FAM107B: variants seen among roughly 807,000 people sequenced by gnomAD.
The protein encoded by FAM107B is family with sequence similarity 107 member B, also known as protein FAM107B.
FAM107B carries 21 observed loss-of-function variants against 31.5 expected under a neutral mutation model. That is an observed-to-expected ratio of 0.67 (90% CI 0.47 to 0.96). FAM107B has a LOEUF of 0.96. Ranked by LOEUF, FAM107B falls within the 40% of genes least tolerant of loss-of-function variation. The pLI is 0.00. For synonymous variants in FAM107B, 157 were observed against 141.5 expected (o/e 1.11, Z -0.78); for missense variants, 452 against 377.1 (o/e 1.20, Z -1.64).
rs1588443926 is a variant in FAM107B, at chr10:14,518,557, T to C, written c.*2633A>G. 6.5e-6 allele frequency: 1 copy of C among 152,708 alleles called. No individual in the cohort carries two copies. Among genetic ancestry groups the C allele is most frequent in the East Asian group, 1.9e-4 (1 of 5,204 alleles). The allele number at this position is 152,708 out of a possible 1,614,324, so 9.5% of individuals were successfully genotyped here. Reference sequence around the variant, plus strand: ...CCTTCAACAGATCAGACAAACATGGTTGCATGGTCCAAGCATGTGGTGATT... The same window carrying C: ...CCTTCAACAGATCAGACAAACATGGCTGCATGGTCCAAGCATGTGGTGATT... On this transcript the variant is annotated 3_prime_UTR_variant, in exon 5 of 5. Coordinates refer to ENST00000181796, the MANE Select transcript of FAM107B (RefSeq NM_031453.4).
chr10:14,616,702 C>T (rs972798827), intron 2 of FAM107B, among the ~76,000 whole-genome samples: 3 of 152,150 alleles, frequency 2.0e-5, no homozygotes, highest in South Asian at 2.1e-4. Context: ...GCAAGCAGAT[C>T]GCTTGAGCCC....
At chr10:14,657,103 A>G (rs1221184018) in intron 2 of FAM107B, among the ~76,000 whole-genome samples, 1 of 152,236 alleles carries the variant, frequency 6.6e-6, no homozygotes, top group Non-Finnish European at 1.5e-5. Flanking sequence ...AATACAGAGG[A>G]CTAAATCAAA....
intron 1 of FAM107B, among the ~76,000 whole-genome samples, chr10:14,745,353 T>G (rs891464516): frequency 4.6e-5 from 7 of 152,160 alleles, no homozygotes; most frequent in African/African-American, 1.7e-4. Flanking sequence ...TTTTGGGGTT[T>G]GTTTGCTCTT....
chr10:14,629,373 AAT>A (rs1201836394), intron 2 of FAM107B, among the ~76,000 whole-genome samples: 3 of 9,560 alleles, frequency 3.1e-4, no homozygotes, highest in African/African-American at 9.4e-4. Flanking sequence ...TTATATATTT[AAT>A]ATATATAATA....
intron 1 of FAM107B, among the ~76,000 whole-genome samples, chr10:14,707,077 G>T (rs1261363570): frequency 6.6e-6 from 1 of 152,054 alleles, no homozygotes; most frequent in African/African-American, 2.4e-5. Flanking sequence ...AGTGAGCCGA[G>T]ATCGTGCCAC....
chr10:14,723,005 A>G (rs372086271), intron 1 of FAM107B, among the ~76,000 whole-genome samples: 1 of 152,182 alleles, frequency 6.6e-6, no homozygotes, highest in Non-Finnish European at 1.5e-5. Flanking sequence ...AGTGTGAGGT[A>G]GGGGTCCAAT....
chr10:14,753,801 G>A (rs1441184626), intron 1 of FAM107B, among the ~76,000 whole-genome samples: 1 of 151,900 alleles, frequency 6.6e-6, no homozygotes, highest in Non-Finnish European at 1.5e-5. Flanking sequence ...AGTAACCAGA[G>A]AAAGTATTTT....
Position 14,703,178 on chromosome 10 carries a change from C to T in FAM107B, c.412-35487G>A, listed in dbSNP as rs114658913. ...TCATCACTGTGGCTCTCCCCATGTG[C>T]GTGCTAATGAATTTGCCTTTTCTCC... On this transcript the variant is annotated intron_variant, in intron 1 of 4. Coordinates refer to ENST00000181796, the MANE Select transcript of FAM107B (RefSeq NM_031453.4). 7.1e-3 allele frequency among the ~76,000 whole-genome samples: 1,074 copies of T among 152,234 alleles called. 11 individuals carry two copies. The highest frequency in any genetic ancestry group is 0.023 in the African/African-American group (973 of 41,536).
At chr10:14,601,969 C>A (rs536364209) in intron 2 of FAM107B, among the ~76,000 whole-genome samples, 9 of 152,308 alleles carry the variant, frequency 5.9e-5, no homozygotes, top group Middle Eastern at 6.8e-3. Flanking sequence ...ACATCAGGAA[C>A]AAGATTTCAC....
intron 1 of FAM107B, among the ~76,000 whole-genome samples, chr10:14,670,546 A>C (rs1312278549): frequency 6.6e-6 from 1 of 152,238 alleles, no homozygotes; most frequent in Non-Finnish European, 1.5e-5. Flanking sequence ...GTCTCTTGAG[A>C]GGCCAAAATA....
chr10:14,588,924 G>C (rs1851930129), intron 2 of FAM107B, among the ~76,000 whole-genome samples: 1 of 152,106 alleles, frequency 6.6e-6, no homozygotes, highest in Non-Finnish European at 1.5e-5. Flanking sequence ...ACTCACGCCT[G>C]TAATCCCAGC....
chr10:14,625,225 GAAAAA>G (rs36086660), intron 2 of FAM107B, among the ~76,000 whole-genome samples: 1 of 117,718 alleles, frequency 8.5e-6, no homozygotes, highest in African/African-American at 3.2e-5. Context: ...GACTGTCTCA[GAAAAA>G]AAAAAAAAAA....
At chr10:14,638,920 G>T (rs1853565461) in intron 2 of FAM107B, among the ~76,000 whole-genome samples, 1 of 152,132 alleles carries the variant, frequency 6.6e-6, no homozygotes, top group African/African-American at 2.4e-5. Context: ...TCCAGGCACG[G>T]TGGCTCACAC....
intron 1 of FAM107B, among the ~76,000 whole-genome samples, chr10:14,696,490 G>GA (rs777119283): frequency 1.7e-4 from 26 of 151,994 alleles, no homozygotes; most frequent in Non-Finnish European, 2.9e-4. Flanking sequence ...AAGCATCCTG[G>GA]CCTCATAAGA....
intron 2 of FAM107B, among the ~76,000 whole-genome samples, chr10:14,616,309 G>A (rs776149290): frequency 9.9e-5 from 15 of 152,090 alleles, no homozygotes; most frequent in Non-Finnish European, 2.2e-4. Context: ...CTGGAAACTC[G>A]AGCTTCAAAA....
intron 1 of FAM107B, among the ~76,000 whole-genome samples, chr10:14,717,725 A>T (rs1308210525): frequency 6.9e-6 from 1 of 145,528 alleles, no homozygotes; most frequent in African/African-American, 2.6e-5. Context: ...CGACAGACTC[A>T]AATGTCAGTC....
chr10:14,690,346 C>T (rs1398638125), intron 1 of FAM107B, among the ~76,000 whole-genome samples: 1 of 152,248 alleles, frequency 6.6e-6, no homozygotes, highest in Non-Finnish European at 1.5e-5. Context: ...GCTTCCTCCC[C>T]TCATCCTTCT....
intron 1 of FAM107B, among the ~76,000 whole-genome samples, chr10:14,758,805 G>A (rs1832979503): frequency 6.8e-6 from 1 of 147,394 alleles, no homozygotes; most frequent in Non-Finnish European, 1.5e-5. Context: ...GAGGTCAGCA[G>A]TTGCAGGCTA....
intron 1 of FAM107B, among the ~76,000 whole-genome samples, chr10:14,690,330 G>C (rs34745476): frequency 0.3 from 45,800 of 152,144 alleles, 7,158 homozygotes; most frequent in Admixed American, 0.36. Flanking sequence ...TCTGTTTCCT[G>C]TTTCTGCTTC....
Sources: allele counts gnomAD v4.1 joint callset (sites outside exome capture counted in the v4.1 genomes callset), GRCh38; gene constraint gnomAD v4.1.1; transcripts MANE v1.5; gene names NCBI Gene and HGNC (gene_info 2026-07-23, HGNC 2026-07-21).